TRIOBP: variants seen among roughly 807,000 people sequenced by gnomAD.
The protein encoded by TRIOBP is TRIO and F-actin binding protein, also known as TRIO and F-actin-binding protein.
Under a neutral mutation model 238.8 loss-of-function variants are expected in TRIOBP, and 169 were observed. The ratio of observed to expected loss-of-function variants is 0.71; its 90% confidence interval spans 0.62 to 0.80. TRIOBP has a LOEUF of 0.80. TRIOBP is among the 30% of genes least tolerant of loss of function. The pLI, the probability that TRIOBP is intolerant of heterozygous loss-of-function variation, is 0.00. For missense variants in TRIOBP, 2,838 were observed against 3,122.6 expected (o/e 0.91, Z 2.17); for synonymous variants, 1,150 against 1,274.4 (o/e 0.90, Z 2.08).
chr22:37,723,128 A>C (rs915057188), intron 6 of TRIOBP, 57 bp from the exon 7 acceptor site: 1 of 1,582,618 alleles, frequency 6.3e-7, no homozygotes, highest in Non-Finnish European at 8.7e-7. Context: ...GAAAGGTAGA[A>C]TATGAGAGCT....
intron 11 of TRIOBP, chr22:37,746,295 C>T (rs1925255290): frequency 1.8e-6 from 2 of 1,089,720 alleles, no homozygotes; most frequent in Non-Finnish European, 2.2e-6. Context: ...GGAGGCGCGG[C>T]GGCGGGCGGC....
chr22:37,733,816 G>A (rs548091373), intron 8 of TRIOBP, among the ~76,000 whole-genome samples: 13 of 152,130 alleles, frequency 8.5e-5, no homozygotes, highest in Admixed American at 3.3e-4. Context: ...GATTACAGGC[G>A]TGTGCCACCA....
intron 12 of TRIOBP, among the ~76,000 whole-genome samples, chr22:37,752,794 C>T (rs1443525678): frequency 6.6e-6 from 1 of 152,178 alleles, no homozygotes; most frequent in African/African-American, 2.4e-5. Context: ...CAGAGCTGGC[C>T]ATTAGTCATC....
At chr22:37,765,532 A>G in intron 17 of TRIOBP, 138 bp from the exon 18 acceptor site, 2 of 1,122,816 alleles carry the variant, frequency 1.8e-6, no homozygotes, top group Non-Finnish European at 2.6e-6. Context: ...TGGGAGCAGG[A>G]GCAGGTGCAG....
intron 22 of TRIOBP, 68 bp from the exon 23 acceptor site, chr22:37,772,533 C>T: frequency 6.2e-7 from 1 of 1,609,556 alleles, no homozygotes. Flanking sequence ...CTGGTGCTGC[C>T]CATGTGCCCG....
At chr22:37,740,350 G>C (rs1189379020) in intron 10 of TRIOBP, among the ~76,000 whole-genome samples, 4 of 152,318 alleles carry the variant, frequency 2.6e-5, no homozygotes, top group Non-Finnish European at 5.9e-5. Context: ...GTGTGTAGAA[G>C]TCCACAACTC....
intron 21 of TRIOBP, among the ~76,000 whole-genome samples, chr22:37,769,919 A>T (rs890725632): frequency 6.6e-6 from 1 of 151,282 alleles, no homozygotes; most frequent in Non-Finnish European, 1.5e-5. Context: ...TGGTAGAGAC[A>T]AGTTTCACTA....
rs35269997 is a variant in TRIOBP at position 37,774,123 on chromosome 22, T to TAA, written c.*359_*360dup. ...TTTTTTTCCAAAACACTTTATACTT[T>TAA]AAAAAAAAAAAAAAAAAGCAATTCC... On this transcript the variant is annotated 3_prime_UTR_variant, in exon 24 of 24. Transcript: ENST00000644935. 12,312 of 139,500 alleles carry TAA rather than the reference T, an allele frequency of 0.088. 1,780 individuals carry two copies. Among genetic ancestry groups the TAA allele is most frequent in the African/African-American group, 0.29 (11,082 of 37,584 alleles). 8.6% of individuals were successfully genotyped at this position (139,500 alleles called of 1,614,324 possible). A position where few individuals can be genotyped will look rare whatever the true frequency, so the allele number is the denominator to read the frequency against.
At position 37,759,394 on chromosome 22, in the gene TRIOBP, C is replaced by T. The variant is rs1393083156; in HGVS notation, c.6324+130C>T. Reference sequence around the variant, plus strand: ...CCTGTGTGGGGCATTTGACATGCGTCATCTCATTTACTCTCCCCACAGCTG... The same window carrying T: ...CCTGTGTGGGGCATTTGACATGCGTTATCTCATTTACTCTCCCCACAGCTG... On this transcript the variant is annotated intron_variant, in intron 17 of 23. Transcript: ENST00000644935. 3 of 1,262,878 alleles carry T rather than the reference C, an allele frequency of 2.4e-6. No homozygotes were observed. In the East Asian group the frequency reaches 6.9e-5, roughly 29 times the overall value. The allele number at this position is 1,262,878 out of a possible 1,614,324, so 78.2% of individuals were successfully genotyped here.
At chr22:37,767,124 G>A (rs1307740986) in intron 18 of TRIOBP, among the ~76,000 whole-genome samples, 4 of 150,426 alleles carry the variant, frequency 2.7e-5, no homozygotes, top group East Asian at 2.0e-4. Context: ...GGTGGCAGGC[G>A]CGTGTAATCC....
At chr22:37,742,864 A>G (rs918741171) in intron 11 of TRIOBP, among the ~76,000 whole-genome samples, 3 of 151,948 alleles carry the variant, frequency 2.0e-5, no homozygotes, top group Non-Finnish European at 4.4e-5. Context: ...TTTGATCCAC[A>G]CTCCCAGGTG....
At chr22:37,772,483 T>C in intron 22 of TRIOBP, 118 bp from the exon 23 acceptor site, 1 of 1,447,484 alleles carries the variant, frequency 6.9e-7, no homozygotes, top group Non-Finnish European at 9.6e-7. Flanking sequence ...GGGAGCCACC[T>C]GGAGGGATGA....
intron 18 of TRIOBP, among the ~76,000 whole-genome samples, chr22:37,767,623 G>A (rs959474838): frequency 6.6e-6 from 1 of 152,156 alleles, no homozygotes; most frequent in Non-Finnish European, 1.5e-5. Context: ...AAGTCACATC[G>A]GTTTATGCTG....
Position 37,757,640 on chromosome 22 carries a change from G to C in TRIOBP, c.5715G>C (p.Ala1905=), listed in dbSNP as rs1242400039. ...TKLSDSNKEN[A]LHSYSTQKGP... is the part of the protein sequence containing the mutation. ...TCTCGGACTCTAACAAGGAGAACGC[G>C]CTGCACAGCTACAGCACCCAGAAGG... The change falls in exon 16 of 24, where the codon GCG becomes GCC. Residue 1905 remains alanine (A), a synonymous_variant. Coordinates refer to ENST00000644935, the MANE Select transcript of TRIOBP (RefSeq NM_001039141.3). 2 of 1,589,484 alleles carry C rather than the reference G, an allele frequency of 1.3e-6. No individual in the cohort carries two copies. The highest frequency in any genetic ancestry group is 1.3e-5 in the African/African-American group (1 of 74,422).
chr22:37,775,212 T>C lies in TRIOBP; in HGVS notation c.*1432T>C, dbSNP rs1487513931. On this transcript the variant is annotated 3_prime_UTR_variant, in exon 24 of 24. Transcript: ENST00000644935. ...CAGCCTGCAGGTAGAAGACTGCCTT[T>C]GGAGGCAGCTTTGAAAGATGACTCT... The C allele has an allele frequency of 1.3e-5, 2 of 152,200 alleles. No individual in the cohort carries two copies. The highest frequency in any genetic ancestry group is 2.9e-5 in the Non-Finnish European group (2 of 68,034). 9.4% of individuals were successfully genotyped at this position (152,200 alleles called of 1,614,324 possible).
In TRIOBP at chr22:37,735,091, C is replaced by T; in HGVS notation, c.4755C>T (p.Leu1585=). The T allele has an allele frequency of 1.2e-6, 2 of 1,606,840 alleles. No homozygotes were observed. The highest frequency in any genetic ancestry group is 1.1e-5 in the South Asian group (1 of 90,954). ...ARVPSLDWEG[L]LELLQARLPR... ...TCCCCAGCCTGGACTGGGAGGGCCTCTTGGAGCTCCTGCAGGCCAGGCTGC... is the reference window on the plus strand; with the variant it reads ...TCCCCAGCCTGGACTGGGAGGGCCTTTTGGAGCTCCTGCAGGCCAGGCTGC... The change falls in exon 9 of 24, where the codon CTC becomes CTT. Residue 1585 remains leucine (L), a synonymous_variant. Transcript: ENST00000644935.
Position 37,723,521 on chromosome 22 carries a change from C to T in TRIOBP, c.965C>T (p.Ala322Val), listed in dbSNP as rs145588841. Reference protein sequence around the residue: ...ASSTQEDTPRASSTQEDTPRA... With the variant: ...ASSTQEDTPRVSSTQEDTPRA... ...TCCACCCAAGAGGACACCCCTAGGG[C>T]CTCATCCACCCAAGAGGACACCCCC... Residue 322 changes from alanine to valine, a missense_variant, in exon 7 of 24, where the codon GCC becomes GTC. Ala to Val is a moderately conservative substitution (Grantham distance 64). Transcript: ENST00000644935. The T allele has an allele frequency of 5.6e-4, 903 of 1,613,730 alleles. 2 individuals carry two copies. The East Asian group carries it at 6.3e-3, about 11-fold the overall frequency.
intron 2 of TRIOBP, among the ~76,000 whole-genome samples, chr22:37,700,389 C>T (rs892327841): frequency 1.3e-5 from 2 of 151,532 alleles, no homozygotes; most frequent in Admixed American, 1.3e-4. Flanking sequence ...GAGATCCTCC[C>T]ACCTCTGCCT....
intron 17 of TRIOBP, among the ~76,000 whole-genome samples, chr22:37,762,863 G>C (rs563132021): frequency 6.6e-6 from 1 of 152,284 alleles, no homozygotes; most frequent in East Asian, 1.9e-4. Flanking sequence ...GGGGCTTGCT[G>C]CTGCACGACA....
Sources: gnomAD v4.1 joint callset for allele counts (sites outside exome capture counted in the v4.1 genomes callset) on GRCh38, gnomAD v4.1.1 for gene constraint, MANE v1.5 for transcripts, NCBI Gene and HGNC (gene_info 2026-07-23, HGNC 2026-07-21) for gene names.